PTPRG: variants seen among roughly 807,000 people sequenced by gnomAD.
PTPRG encodes the protein protein tyrosine phosphatase receptor type G.
PTPRG carries 102 observed loss-of-function variants against 165.3 expected under a neutral mutation model. The observed-to-expected ratio is 0.62, with a 90% CI of 0.53 to 0.73. The LOEUF (loss-of-function observed/expected upper bound fraction) is 0.73, where lower values mean the gene tolerates loss of function less well. Ranked by LOEUF, PTPRG falls within the 30% of genes least tolerant of loss-of-function variation. The pLI is 0.00. For missense variants in PTPRG, 1,866 were observed against 1,861.4 expected, an observed-to-expected ratio of 1.00 and a Z score of -0.05; for synonymous variants, 675 against 669.5, an observed-to-expected ratio of 1.01 and a Z score of -0.13.
chr3:61,573,764 C>T (rs1363219995), intron 1 of PTPRG, among the ~76,000 whole-genome samples: 4 of 152,140 alleles, frequency 2.6e-5, no homozygotes, highest in African/African-American at 9.7e-5. Context: ...ACATTGATGT[C>T]ACTGTATGTA....
intron 1 of PTPRG, chr3:61,742,340 T>G: frequency 1.5e-6 from 1 of 658,620 alleles, no homozygotes; most frequent in Non-Finnish European, 2.5e-6. Context: ...TGCGTTGATA[T>G]CTTCAGTAGT....
At chr3:62,050,148 A>T (rs17065786) in intron 4 of PTPRG, among the ~76,000 whole-genome samples, 2 of 152,144 alleles carry the variant, frequency 1.3e-5, no homozygotes, top group African/African-American at 4.8e-5. Context: ...GGATAAAGAG[A>T]CTCTTGACTG....
At chr3:62,251,384 T>C (rs1701414577) in intron 15 of PTPRG, among the ~76,000 whole-genome samples, 1 of 151,162 alleles carries the variant, frequency 6.6e-6, no homozygotes, top group African/African-American at 2.4e-5. Flanking sequence ...TGTGGTGGCA[T>C]GGGCCTGTAG....
chr3:61,746,231 T>TTTTTTTTC, intron 1 of PTPRG, among the ~76,000 whole-genome samples: 1 of 72,840 alleles, frequency 1.4e-5, no homozygotes, highest in Non-Finnish European at 3.1e-5. Flanking sequence ...TTTTTTTTTT[T>TTTTTTTTC]TTTTTGAGAC....
At chr3:61,690,978 A>C (rs2106655981) in intron 1 of PTPRG, among the ~76,000 whole-genome samples, 1 of 152,342 alleles carries the variant, frequency 6.6e-6, no homozygotes, top group Non-Finnish European at 1.5e-5. Context: ...GTTTTTACAT[A>C]GACAAAATAA....
intron 2 of PTPRG, among the ~76,000 whole-genome samples, chr3:61,921,991 A>G (rs1230988218): frequency 6.6e-6 from 1 of 152,210 alleles, no homozygotes; most frequent in Non-Finnish European, 1.5e-5. Context: ...TAATGTATCA[A>G]GCATGACCCT....
At chr3:62,128,287 C>T (rs1703389242) in intron 5 of PTPRG, among the ~76,000 whole-genome samples, 1 of 152,152 alleles carries the variant, frequency 6.6e-6, no homozygotes, top group South Asian at 2.1e-4. Flanking sequence ...CTGCCTTCTC[C>T]GTATTACTGC....
intron 2 of PTPRG, among the ~76,000 whole-genome samples, chr3:61,909,787 C>G (rs1002487182): frequency 2.0e-5 from 3 of 152,124 alleles, no homozygotes; most frequent in Admixed American, 6.5e-5. Flanking sequence ...TTAGAGAAAT[C>G]GAATTGCTAA....
intron 1 of PTPRG, among the ~76,000 whole-genome samples, chr3:61,585,838 C>T (rs1399120691): frequency 6.6e-6 from 1 of 152,196 alleles, no homozygotes; most frequent in Non-Finnish European, 1.5e-5. Context: ...TGATGAAGAT[C>T]CAAGTTCTGT....
Position 61,933,708 on chromosome 3 carries a change from A to C in PTPRG, c.191-55917A>C, listed in dbSNP as rs145086379. ...GCCCCTTCCACTGCTCTCTAGTCCC[A>C]TGGTTTCCTCTCCATTTTCTAGAGT... On this transcript the variant is annotated intron_variant, in intron 2 of 29. Coordinates refer to ENST00000474889, the MANE Select transcript of PTPRG (RefSeq NM_002841.4). 2.2e-4 allele frequency among the ~76,000 whole-genome samples: 33 copies of C among 152,200 alleles called. No individual in the cohort carries two copies. In the East Asian group the frequency reaches 6.0e-3, roughly 28 times the overall value.
intron 2 of PTPRG, among the ~76,000 whole-genome samples, chr3:61,921,668 A>G (rs1461104733): frequency 6.6e-6 from 1 of 152,228 alleles, no homozygotes; most frequent in African/African-American, 2.4e-5. Flanking sequence ...TTTCATGTTT[A>G]GACTTGGCTC....
intron 2 of PTPRG, among the ~76,000 whole-genome samples, chr3:61,853,527 C>G (rs1363938859): frequency 6.6e-6 from 1 of 152,194 alleles, no homozygotes; most frequent in Non-Finnish European, 1.5e-5. Context: ...AATGGATCCT[C>G]CAGTCCATGT....
intron 2 of PTPRG, chr3:61,750,955 AG>A (rs2033403668): frequency 6.6e-6 from 1 of 152,194 alleles, no homozygotes; most frequent in Admixed American, 6.5e-5. Context: ...GAGTCATTTG[AG>A]GAATTGCTTG....
intron 2 of PTPRG, among the ~76,000 whole-genome samples, chr3:61,822,310 A>T (rs1452439720): frequency 6.6e-6 from 1 of 152,256 alleles, no homozygotes; most frequent in Non-Finnish European, 1.5e-5. Context: ...GGTAAAAGCC[A>T]GCCTGAAAAT....
chr3:61,705,199 G>T (rs1416432486), intron 1 of PTPRG, among the ~76,000 whole-genome samples: 1 of 152,192 alleles, frequency 6.6e-6, no homozygotes, highest in Non-Finnish European at 1.5e-5. Context: ...TGGGGCACCT[G>T]AGAGTTGAAA....
chr3:62,009,086 G>T (rs200603155), intron 4 of PTPRG, among the ~76,000 whole-genome samples: 14 of 152,280 alleles, frequency 9.2e-5, no homozygotes, highest in East Asian at 3.9e-4. Context: ...CTTCATATCT[G>T]GTTTTACCAC....
At chr3:61,829,100 G>GAA (rs1236067086) in intron 2 of PTPRG, among the ~76,000 whole-genome samples, 1 of 152,158 alleles carries the variant, frequency 6.6e-6, no homozygotes, top group Non-Finnish European at 1.5e-5. Flanking sequence ...GAGTGAGAGA[G>GAA]AAGGAACTTA....
At chr3:62,031,316 A>C (rs1026386098) in intron 4 of PTPRG, among the ~76,000 whole-genome samples, 1 of 152,182 alleles carries the variant, frequency 6.6e-6, no homozygotes, top group African/African-American at 2.4e-5. Flanking sequence ...TATTCTCTGA[A>C]ACGGAAAGAA....
chr3:61,936,666 A>G (rs78926160), intron 2 of PTPRG, among the ~76,000 whole-genome samples: 2,653 of 152,214 alleles, frequency 0.017, 45 homozygotes, highest in South Asian at 0.075. Context: ...TAACATGTCT[A>G]CTATGAAAGG....
Sources: allele counts gnomAD v4.1 joint callset (sites outside exome capture counted in the v4.1 genomes callset), GRCh38; gene constraint gnomAD v4.1.1; transcripts MANE v1.5; gene names NCBI Gene and HGNC (gene_info 2026-07-23, HGNC 2026-07-21).